Variants in INPP4B observed in about 807,000 individuals in gnomAD.
INPP4B encodes inositol polyphosphate 4-phosphatase type II.
A neutral mutation model predicts 122.5 loss-of-function variants in INPP4B; 55 were observed. The observed-to-expected ratio is 0.45, with a 90% confidence interval of 0.36 to 0.56. The LOEUF is 0.56. Ranked by LOEUF, INPP4B falls within the 20% of genes least tolerant of loss-of-function variation. The pLI, the probability that INPP4B is intolerant of heterozygous loss-of-function variation, is 0.00. For synonymous variants in INPP4B, 403 were observed against 388.7 expected (o/e 1.04, Z -0.43); for missense variants, 1,000 against 1,097.7 (o/e 0.91, Z 1.26).
At chr4:142,745,780 T>A (rs1329843289) in intron 1 of INPP4B, among the ~76,000 whole-genome samples, 2 of 151,976 alleles carry the variant, frequency 1.3e-5, no homozygotes, top group African/African-American at 4.8e-5. Context: ...GTTGTGGTTA[T>A]GTTAATATGA....
At chr4:142,235,813 A>G (rs1856471279) in intron 12 of INPP4B, among the ~76,000 whole-genome samples, 1 of 152,140 alleles carries the variant, frequency 6.6e-6, no homozygotes, top group South Asian at 2.1e-4. Context: ...AGTTGTATAT[A>G]TTTTGGGGAT....
At chr4:142,418,783 T>G (rs1017127572) in intron 5 of INPP4B, among the ~76,000 whole-genome samples, 1 of 152,142 alleles carries the variant, frequency 6.6e-6, no homozygotes, top group African/African-American at 2.4e-5. Context: ...TAAGTAAAAT[T>G]GAAGCCATTG....
At chr4:142,793,443 G>A (rs1320018357) in intron 1 of INPP4B, among the ~76,000 whole-genome samples, 4 of 152,012 alleles carry the variant, frequency 2.6e-5, no homozygotes, top group Non-Finnish European at 4.4e-5. Flanking sequence ...AACGATCAGT[G>A]GAACAAAAAG....
Position 142,154,107 on chromosome 4 carries a change from C to A in INPP4B, c.1563+6251G>T, listed in dbSNP as rs567234764. ...GAACAACTGGCCCCATTCTCCCTGC[C>A]TTTGACTGCCCTTTCTGATGGTGAG... On this transcript the variant is annotated intron_variant, in intron 17 of 25. Transcript: ENST00000262992. Among the ~76,000 whole-genome samples the A allele has an allele frequency of 8.5e-5, 13 of 152,182 alleles. No homozygotes were observed. The South Asian group carries it at 1.9e-3, about 22-fold the overall frequency.
At chr4:142,344,516 T>C (rs564019116) in intron 7 of INPP4B, among the ~76,000 whole-genome samples, 2 of 152,160 alleles carry the variant, frequency 1.3e-5, no homozygotes, top group South Asian at 4.1e-4. Context: ...TAAATTTACA[T>C]GAATGGGAAA....
chr4:142,776,646 A>T (rs1453491395), intron 1 of INPP4B, among the ~76,000 whole-genome samples: 1 of 152,070 alleles, frequency 6.6e-6, no homozygotes, highest in Non-Finnish European at 1.5e-5. Context: ...GAAAATAGAC[A>T]CCCAAGTCTC....
chr4:142,111,887 G>A (rs1578939318), intron 22 of INPP4B, among the ~76,000 whole-genome samples: 1 of 151,882 alleles, frequency 6.6e-6, no homozygotes, highest in Middle Eastern at 3.4e-3. Context: ...GGGATTACAG[G>A]TGATCACCAC....
At chr4:142,173,929 T>G (rs1826767182) in intron 15 of INPP4B, 120 bp from the exon 16 acceptor site, 4 of 837,514 alleles carry the variant, frequency 4.8e-6, no homozygotes, top group Non-Finnish European at 7.7e-6. Flanking sequence ...TGATAAGAAC[T>G]GTCCTAAGAG....
intron 7 of INPP4B, among the ~76,000 whole-genome samples, chr4:142,331,637 G>A (rs1410744001): frequency 6.6e-6 from 1 of 152,092 alleles, no homozygotes; most frequent in Non-Finnish European, 1.5e-5. Context: ...CTATCTATTC[G>A]ATCAGATTCC....
intron 14 of INPP4B, among the ~76,000 whole-genome samples, chr4:142,205,860 G>A (rs1315038906): frequency 6.6e-6 from 1 of 151,894 alleles, no homozygotes; most frequent in Admixed American, 6.6e-5. Context: ...CTTTGTTTCT[G>A]GTTATTTTAA....
At chr4:142,640,963 T>C (rs998937209) in intron 2 of INPP4B, among the ~76,000 whole-genome samples, 1 of 152,198 alleles carries the variant, frequency 6.6e-6, no homozygotes, top group African/African-American at 2.4e-5. Context: ...GAACTCTGAC[T>C]TACTGCTGCT....
At chr4:142,112,051 A>G (rs1733075094) in intron 22 of INPP4B, among the ~76,000 whole-genome samples, 1 of 152,126 alleles carries the variant, frequency 6.6e-6, no homozygotes, top group African/African-American at 2.4e-5. Flanking sequence ...GCAAAAAAAA[A>G]GTGTTTTTTA....
chr4:142,552,233 C>A (rs925794880), intron 2 of INPP4B, among the ~76,000 whole-genome samples: 26 of 152,150 alleles, frequency 1.7e-4, no homozygotes, highest in African/African-American at 5.5e-4. Flanking sequence ...TTTTGATGTG[C>A]GTGTGAATCA....
chr4:142,112,819 C>T, intron 21 of INPP4B, 137 bp from the exon 22 acceptor site: 1 of 647,706 alleles, frequency 1.5e-6, no homozygotes, highest in Non-Finnish European at 2.5e-6. Context: ...TTATATTCCT[C>T]ATTCATTCAT....
intron 25 of INPP4B, among the ~76,000 whole-genome samples, chr4:142,038,641 C>A (rs1484984726): frequency 6.6e-6 from 1 of 152,024 alleles, no homozygotes; most frequent in Non-Finnish European, 1.5e-5. Flanking sequence ...GTTTGGGAAA[C>A]CTGGCAGATC....
In INPP4B at chr4:142,173,650, T is replaced by C; in HGVS notation, c.1341A>G (p.Leu447=). The C allele has an allele frequency of 6.2e-7, 1 of 1,611,666 alleles. No individual in the cohort carries two copies. Residue 447 remains leucine, a synonymous_variant, in exon 16 of 26, where the codon TTA becomes TTG. Transcript: ENST00000262992. The part of the protein sequence containing the change: ...QHSPDSLKNS[L]KMLSEKTELF... Reference sequence around the variant, plus strand: ...ATCTTACTTTTTCTGAAAGCATCTTTAAAGAATTCTTCAAGCTGTCTGGAG... The same window carrying C: ...ATCTTACTTTTTCTGAAAGCATCTTCAAAGAATTCTTCAAGCTGTCTGGAG...
chr4:142,149,672 A>G (rs572370053), intron 17 of INPP4B, among the ~76,000 whole-genome samples: 9 of 152,318 alleles, frequency 5.9e-5, no homozygotes, highest in Admixed American at 5.2e-4. Context: ...CCAATGGTGG[A>G]TCCTAGGATA....
At chr4:142,736,353 T>C (rs1766892716) in intron 1 of INPP4B, among the ~76,000 whole-genome samples, 3 of 152,340 alleles carry the variant, frequency 2.0e-5, no homozygotes, top group Admixed American at 1.3e-4. Context: ...TTCTAGTCTG[T>C]TATAATTAAT....
chr4:142,086,477 C>G (rs1776843058), intron 23 of INPP4B, among the ~76,000 whole-genome samples: 1 of 152,118 alleles, frequency 6.6e-6, no homozygotes, highest in Non-Finnish European at 1.5e-5. Flanking sequence ...CCTCAGTGCC[C>G]AAAGTGGCTG....
Sources: allele counts gnomAD v4.1 joint callset (sites outside exome capture counted in the v4.1 genomes callset), GRCh38; gene constraint gnomAD v4.1.1; transcripts MANE v1.5; gene names NCBI Gene and HGNC (gene_info 2026-07-23, HGNC 2026-07-21).